Variants in ADCY10 observed in about 807,000 individuals in gnomAD.
ADCY10 encodes the protein adenylate cyclase 10.
ADCY10 carries 156 observed loss-of-function variants against 183.3 expected under a neutral mutation model. The observed-to-expected ratio is 0.85, with a 90% confidence interval of 0.75 to 0.97. The LOEUF is 0.97. Among genes scored for constraint, ADCY10 ranks in the 50% least tolerant of loss-of-function variants. The pLI, the probability that ADCY10 is intolerant of heterozygous loss-of-function variation, is 0.00. For missense variants in ADCY10, 1,745 were observed against 1,934.3 expected (o/e 0.90, Z 1.84); for synonymous variants, 645 against 670.0 (o/e 0.96, Z 0.58).
intron 16 of ADCY10, among the ~76,000 whole-genome samples, chr1:167,859,404 T>C (rs368754046): frequency 1.1e-4 from 16 of 152,276 alleles, no homozygotes; most frequent in African/African-American, 2.9e-4. Context: ...CTCCATTTGA[T>C]AGATGATAAA....
rs767468938 is a variant in ADCY10 at position 167,836,294 on chromosome 1, G to C, written c.3309+15C>G. 1.3e-6 allele frequency: 2 copies of C among 1,566,798 alleles called. No individual in the cohort carries two copies. ...TGTCTCTAGGGTGGAGGTGGTCTGG[G>C]TAGAAACAGCTTACCATGTAGTTAT... On this transcript the variant is annotated intron_variant, in intron 23 of 32. Transcript: ENST00000367851.
Position 167,860,919 on chromosome 1 carries a change from C to T in ADCY10, c.1761G>A (p.Leu587=). 6.2e-7 allele frequency: 1 copy of T among 1,614,158 alleles called. No individual in the cohort carries two copies. The highest frequency in any genetic ancestry group is 8.5e-7 in the Non-Finnish European group (1 of 1,180,032). Residue 587 remains leucine (L), a synonymous_variant, in exon 15 of 33, where the codon CTG becomes CTA. Transcript: ENST00000367851. ...GAAGACAGTAGAACTTTTCATCCAA[C>T]AGTGTCATGACTTTATTTCGAAGGT... ...QTNLRNKVMT[L]LDEKFYCLLN...
chr1:167,814,687 G>C (rs1467033384), intron 31 of ADCY10, among the ~76,000 whole-genome samples: 1 of 152,032 alleles, frequency 6.6e-6, no homozygotes, highest in Non-Finnish European at 1.5e-5. Flanking sequence ...TGGGTATAGA[G>C]TTGTTGTTTG....
intron 31 of ADCY10, among the ~76,000 whole-genome samples, chr1:167,812,500 A>C (rs530981620): frequency 1.4e-4 from 22 of 152,352 alleles, no homozygotes; most frequent in Middle Eastern, 3.4e-3. Context: ...TAAAAAACAA[A>C]AACAACAACA....
chr1:167,836,636 T>G, intron 22 of ADCY10, 96 bp from the exon 23 acceptor site: 1 of 890,070 alleles, frequency 1.1e-6, no homozygotes, highest in Non-Finnish European at 1.8e-6. Context: ...ACGCCTGTAA[T>G]TCCAGCAGTT....
Position 167,818,201 on chromosome 1 carries a change from T to C in ADCY10, c.4353A>G (p.Pro1451=). ...KFSNRAKNLL[P]RRTMTLTYYD... ...AGTAAGTAAGTGTCATGGTTCTTCT[T>C]GGCAAAAGATTTTTAGCTCTATTGG... is the stretch of plus-strand genomic sequence containing the variant. Residue 1451 remains proline, a synonymous_variant, in exon 31 of 33, where the codon CCA becomes CCG. Coordinates refer to ENST00000367851, the MANE Select transcript of ADCY10 (RefSeq NM_018417.6). 6.2e-7 allele frequency: 1 copy of C among 1,614,214 alleles called. No individual in the cohort carries two copies. Among genetic ancestry groups the C allele is most frequent in the Admixed American group, 1.7e-5 (1 of 60,030 alleles).
rs1483108609 is a variant in ADCY10 at position 167,883,735 on chromosome 1, A to C, written c.829-107T>G. On this transcript the variant is annotated intron_variant, in intron 8 of 32. Coordinates refer to ENST00000367851, the MANE Select transcript of ADCY10 (RefSeq NM_018417.6). Reference sequence around the variant, plus strand: ...ATCATCTAGGGAATGTCTACCTCAGAATGGGTGAGGTACAACATGACAGAG... The same window carrying C: ...ATCATCTAGGGAATGTCTACCTCAGCATGGGTGAGGTACAACATGACAGAG... 9.0e-6 allele frequency: 9 copies of C among 1,000,622 alleles called. No homozygotes were observed. The Admixed American group carries it at 1.5e-4, about 17-fold the overall frequency. 62.0% of individuals were successfully genotyped at this position (1,000,622 alleles called of 1,614,324 possible). A position where few individuals can be genotyped will look rare whatever the true frequency, so the allele number is the denominator to read the frequency against.
Position 167,809,551 on chromosome 1 carries a change from T to C in ADCY10, c.*127A>G, listed in dbSNP as rs1438480667. The C allele has an allele frequency of 2.0e-6, 2 of 1,024,652 alleles. No homozygotes were observed. Among genetic ancestry groups the C allele is most frequent in the Non-Finnish European group, 1.5e-6 (1 of 666,416 alleles). 63.5% of individuals were successfully genotyped at this position (1,024,652 alleles called of 1,614,324 possible). The stretch of plus-strand genomic sequence containing the variant: ...CCTCCAGAAAGAGAAGAAATCAACA[T>C]GTCTGTTTCTGTGTCTGGAACAGAA... On this transcript the variant is annotated 3_prime_UTR_variant, in exon 33 of 33. Transcript: ENST00000367851.
chr1:167,913,689 T>G (rs1346486900), intron 1 of ADCY10, among the ~76,000 whole-genome samples: 1 of 150,834 alleles, frequency 6.6e-6, no homozygotes, highest in Admixed American at 6.6e-5. Flanking sequence ...TGGTAGTTGT[T>G]GACTGATAAA....
At chr1:167,870,806 TAAA>T (rs397940719) in intron 13 of ADCY10, among the ~76,000 whole-genome samples, 2 of 128,998 alleles carry the variant, frequency 1.6e-5, no homozygotes, top group African/African-American at 2.8e-5. Context: ...AAACTCCATC[TAAA>T]AAAAAAAAAA....
intron 3 of ADCY10, 113 bp downstream of exon 3, chr1:167,903,774 T>C (rs750145835): frequency 5.2e-6 from 4 of 767,756 alleles, no homozygotes; most frequent in Non-Finnish European, 7.0e-6. Context: ...ACACATTTCA[T>C]GGGGAAGAGG....
rs374081873 is a variant in ADCY10 at position 167,845,780 on chromosome 1, G to A, written c.2790C>T (p.Asn930=). Residue 930 remains asparagine (N), a synonymous_variant, in exon 21 of 33, where the codon AAC becomes AAT. Coordinates refer to ENST00000367851, the MANE Select transcript of ADCY10 (RefSeq NM_018417.6). ...CGTAGGCTGTTTTCTGCATCATAGG[G>A]TTACAGAATCGAATCCTGTGGCACT... ...VIECHRIRFC[N]PMMQKTAYEL... The A allele has an allele frequency of 1.2e-6, 2 of 1,614,040 alleles. No homozygotes were observed. The highest frequency in any genetic ancestry group is 2.7e-5 in the African/African-American group (2 of 74,922).
At chr1:167,911,051 G>T (rs1395376418) in intron 1 of ADCY10, among the ~76,000 whole-genome samples, 3 of 152,190 alleles carry the variant, frequency 2.0e-5, no homozygotes, top group African/African-American at 7.2e-5. Flanking sequence ...GTTAACACTG[G>T]ATGGAAAGTG....
intron 16 of ADCY10, among the ~76,000 whole-genome samples, chr1:167,859,597 T>C (rs1395760844): frequency 2.0e-5 from 3 of 152,066 alleles, no homozygotes; most frequent in Non-Finnish European, 4.4e-5. Flanking sequence ...AGGAGTAATG[T>C]TAAGGGACTC....
At chr1:167,911,869 T>C (rs944421564) in intron 1 of ADCY10, among the ~76,000 whole-genome samples, 1 of 152,196 alleles carries the variant, frequency 6.6e-6, no homozygotes, top group African/African-American at 2.4e-5. Context: ...CTTGGACAGA[T>C]TTTTCTGTTT....
At chr1:167,906,622 CAAA>C (rs869083786) in intron 1 of ADCY10, among the ~76,000 whole-genome samples, 28 of 109,506 alleles carry the variant, frequency 2.6e-4, no homozygotes, top group Admixed American at 3.8e-4. Flanking sequence ...CCCATCTCTA[CAAA>C]AAAAAAAAAA....
intron 8 of ADCY10, among the ~76,000 whole-genome samples, chr1:167,891,691 C>T (rs560191314): frequency 6.6e-6 from 1 of 151,550 alleles, no homozygotes; most frequent in East Asian, 1.9e-4. Context: ...GAGAGTGTTC[C>T]CAAATTATCC....
chr1:167,828,977 A>AAAT (rs1272767175), intron 26 of ADCY10, among the ~76,000 whole-genome samples: 2 of 151,988 alleles, frequency 1.3e-5, no homozygotes, highest in South Asian at 2.1e-4. Context: ...AAACCAGCAA[A>AAAT]AATAATAATA....
chr1:167,859,677 C>T (rs975099822), intron 16 of ADCY10, 130 bp downstream of exon 16: 1 of 790,304 alleles, frequency 1.3e-6, no homozygotes, highest in Non-Finnish European at 2.3e-6. Flanking sequence ...GAATGAAGCA[C>T]TTTAGGACAA....
Sources: allele counts gnomAD v4.1 joint callset (sites outside exome capture counted in the v4.1 genomes callset), GRCh38; gene constraint gnomAD v4.1.1; transcripts MANE v1.5; gene names NCBI Gene and HGNC (gene_info 2026-07-23, HGNC 2026-07-21).